The following GFOD1 variants were observed in gnomAD, a reference collection of about 807,000 sequenced individuals.
GFOD1 encodes the protein Gfo/Idh/MocA-like oxidoreductase domain containing 1.
GFOD1 carries 9 observed loss-of-function variants against 25.4 expected under a neutral mutation model. The ratio of observed to expected loss-of-function variants is 0.35; its 90% CI spans 0.21 to 0.62. GFOD1 has a LOEUF of 0.62. GFOD1 is among the 20% of genes least tolerant of loss of function. The probability of loss-of-function intolerance (pLI) is 0.72; values close to 1 mark genes in which losing one functional copy is unlikely to be tolerated. For synonymous variants in GFOD1, 253 were observed against 245.6 expected, an observed-to-expected ratio of 1.03 and a Z score of -0.28; for missense variants, 403 against 556.9, an observed-to-expected ratio of 0.72 and a Z score of 2.78.
At chr6:13,433,401 G>A (rs1266148457) in intron 1 of GFOD1, among the ~76,000 whole-genome samples, 6 of 152,204 alleles carry the variant, frequency 3.9e-5, no homozygotes, top group Non-Finnish European at 5.9e-5. Context: ...TTACAGGCGT[G>A]AGCCACCAGC....
intron 1 of GFOD1, among the ~76,000 whole-genome samples, chr6:13,421,924 C>T (rs994085785): frequency 1.4e-4 from 21 of 152,148 alleles, no homozygotes; most frequent in African/African-American, 4.8e-4. Flanking sequence ...GCAACGGCTG[C>T]GTTTTATCTC....
rs545427674 is a variant in GFOD1, at chr6:13,483,072, T to C, written c.253+3566A>G. ...GACATTCAGTCTTCACTGTGTACTT[T>C]TATAGCATTTGAAATTTGTACCACA... On this transcript the variant is annotated intron_variant, in intron 1 of 1. Coordinates refer to ENST00000379287, the MANE Select transcript of GFOD1 (RefSeq NM_018988.4). 4.6e-5 allele frequency among the ~76,000 whole-genome samples: 7 copies of C among 152,278 alleles called. No homozygotes were observed. In the South Asian group the frequency reaches 1.5e-3, roughly 32 times the overall value.
chr6:13,408,692 T>G (rs1248797712), intron 1 of GFOD1, among the ~76,000 whole-genome samples: 1 of 152,208 alleles, frequency 6.6e-6, no homozygotes, highest in Non-Finnish European at 1.5e-5. Flanking sequence ...TAACACAGCT[T>G]TGTTAAGAGA....
At chr6:13,432,263 G>A (rs1329125908) in intron 1 of GFOD1, among the ~76,000 whole-genome samples, 2 of 151,058 alleles carry the variant, frequency 1.3e-5, no homozygotes, top group East Asian at 1.9e-4. Flanking sequence ...GCCCAGGCTG[G>A]AATGCAGTTG....
intron 1 of GFOD1, among the ~76,000 whole-genome samples, chr6:13,385,149 C>T (rs750445369): frequency 2.6e-5 from 4 of 152,144 alleles, no homozygotes; most frequent in Admixed American, 6.5e-5. Context: ...AACCTGGTTG[C>T]TTGGCAACCA....
At chr6:13,370,927 T>C (rs1223674632) in intron 1 of GFOD1, among the ~76,000 whole-genome samples, 2 of 152,234 alleles carry the variant, frequency 1.3e-5, no homozygotes, top group African/African-American at 4.8e-5. Flanking sequence ...GCAAACTGCC[T>C]GTCTGTCAGC....
chr6:13,432,623 A>G (rs1757769174), intron 1 of GFOD1, among the ~76,000 whole-genome samples: 4 of 152,144 alleles, frequency 2.6e-5, no homozygotes, highest in Admixed American at 2.6e-4. Flanking sequence ...AAACTTCAGG[A>G]AAGGGCATCA....
chr6:13,372,078 T>G (rs1785164715), intron 1 of GFOD1, among the ~76,000 whole-genome samples: 1 of 152,214 alleles, frequency 6.6e-6, no homozygotes, highest in South Asian at 2.1e-4. Flanking sequence ...ACTTAAAATT[T>G]TAAGACAATA....
intron 1 of GFOD1, among the ~76,000 whole-genome samples, chr6:13,399,636 G>C (rs1475755781): frequency 6.6e-6 from 1 of 152,178 alleles, no homozygotes; most frequent in African/African-American, 2.4e-5. Flanking sequence ...GCAAAAGGAT[G>C]CAGACATTCT....
At chr6:13,373,741 AACACACACACAC>A (rs10530031) in intron 1 of GFOD1, among the ~76,000 whole-genome samples, 2 of 129,596 alleles carry the variant, frequency 1.5e-5, no homozygotes, top group South Asian at 2.4e-4. Flanking sequence ...CTGCTCCCCC[AACACACACACAC>A]ACACACACAC....
Position 13,430,193 on chromosome 6 carries a change from T to C in GFOD1, c.253+56445A>G, listed in dbSNP as rs1584646975. Among the ~76,000 whole-genome samples, 1 of 152,194 alleles carries C rather than the reference T, an allele frequency of 6.6e-6. No individual in the cohort carries two copies. Among genetic ancestry groups the C allele is most frequent in the East Asian group, 1.9e-4 (1 of 5,180 alleles). On this transcript the variant is annotated intron_variant, in intron 1 of 1. Coordinates refer to ENST00000379287, the MANE Select transcript of GFOD1 (RefSeq NM_018988.4). The surrounding 1 kb of genome is among the most constrained non-coding windows in gnomAD (Gnocchi z 4.1). ...CGCTCATGCCTGTAACCCCAGCACT[T>C]TGGGAAGCAGAGGCGGGTGGATGAC... is the stretch of plus-strand genomic sequence containing the variant.
chr6:13,392,604 C>A (rs1350057836), intron 1 of GFOD1, among the ~76,000 whole-genome samples: 1 of 152,048 alleles, frequency 6.6e-6, no homozygotes, highest in African/African-American at 2.4e-5. Context: ...TGTTGCTGTA[C>A]CCTGATGGAG....
intron 1 of GFOD1, among the ~76,000 whole-genome samples, chr6:13,399,302 G>A (rs1785797757): frequency 6.6e-6 from 1 of 152,058 alleles, no homozygotes; most frequent in Non-Finnish European, 1.5e-5. Context: ...TGCAAGCCAC[G>A]GCACCCAGCA....
chr6:13,402,692 G>A (rs1785870330), intron 1 of GFOD1, among the ~76,000 whole-genome samples: 1 of 152,202 alleles, frequency 6.6e-6, no homozygotes, highest in Admixed American at 6.5e-5. Context: ...TGTTGGCATG[G>A]TTGTAGAATA....
At chr6:13,433,482 T>C (rs561700556) in intron 1 of GFOD1, among the ~76,000 whole-genome samples, 1 of 152,290 alleles carries the variant, frequency 6.6e-6, no homozygotes, top group African/African-American at 2.4e-5. Flanking sequence ...TTAGCAGCAT[T>C]CCTGGCCTCT....
chr6:13,478,208 T>G (rs1320363708), intron 1 of GFOD1, among the ~76,000 whole-genome samples: 3 of 152,170 alleles, frequency 2.0e-5, no homozygotes, highest in Non-Finnish European at 2.9e-5. Flanking sequence ...GGTGCAATCT[T>G]GGCTTACTGC....
At chr6:13,481,892 T>G (rs1758760330) in intron 1 of GFOD1, among the ~76,000 whole-genome samples, 1 of 152,152 alleles carries the variant, frequency 6.6e-6, no homozygotes, top group Non-Finnish European at 1.5e-5. Flanking sequence ...GTGTGCAAAA[T>G]GACATATGCT....
intron 1 of GFOD1, among the ~76,000 whole-genome samples, chr6:13,381,373 GAGTTA>G (rs1022540535): frequency 9.9e-5 from 15 of 152,190 alleles, no homozygotes; most frequent in African/African-American, 2.9e-4. Context: ...AATGGGCTAG[GAGTTA>G]AGTTTTCATA....
chr6:13,375,347 C>T (rs1292991372), intron 1 of GFOD1, among the ~76,000 whole-genome samples: 1 of 152,168 alleles, frequency 6.6e-6, no homozygotes, highest in Non-Finnish European at 1.5e-5. Flanking sequence ...GCAATGTCTG[C>T]AGCACACAGC....
Sources: gnomAD v4.1 joint callset for allele counts (sites outside exome capture counted in the v4.1 genomes callset) on GRCh38, gnomAD v4.1.1 for gene constraint, Gnocchi (gnomAD v3.1) non-coding constraint, MANE v1.5 for transcripts, NCBI Gene and HGNC (gene_info 2026-07-23, HGNC 2026-07-21) for gene names.